The following STK3 variants were observed in gnomAD, a reference collection of about 807,000 sequenced individuals.
STK3 encodes serine/threonine kinase 3.
STK3 carries 41 observed loss-of-function variants against 58.0 expected under a neutral mutation model. The observed-to-expected ratio is 0.71, with a 90% confidence interval of 0.55 to 0.92. STK3 has a LOEUF of 0.92. STK3 is among the 40% of genes least tolerant of loss of function. STK3 has a pLI of 0.00. For synonymous variants in STK3, 170 were observed against 191.0 expected, an observed-to-expected ratio of 0.89 and a Z score of 0.91; for missense variants, 479 against 602.7, an observed-to-expected ratio of 0.79 and a Z score of 2.15.
At chr8:98,879,385 C>T (rs1238931421), downstream of STK3, 1 of 152,140 alleles carries the variant, frequency 6.6e-6, no homozygotes, top group Non-Finnish European at 1.5e-5. Context: ...TGGCTGACCA[C>T]GGTTGTTACT....
At chr8:98,888,448 G>A (rs984009150) in intron 1 of STK3, among the ~76,000 whole-genome samples, 2 of 152,184 alleles carry the variant, frequency 1.3e-5, no homozygotes, top group African/African-American at 4.8e-5. Flanking sequence ...CTAGAAGGGA[G>A]TAGACAAACC....
At chr8:98,938,834 T>C (rs1840288436) in intron 1 of STK3, among the ~76,000 whole-genome samples, 1 of 151,882 alleles carries the variant, frequency 6.6e-6, no homozygotes, top group African/African-American at 2.4e-5. Flanking sequence ...TAAAATGTGA[T>C]GAAAATAAAA....
intron 6 of STK3, among the ~76,000 whole-genome samples, chr8:98,619,793 A>G (rs1215867109): frequency 1.1e-4 from 16 of 140,696 alleles, no homozygotes; most frequent in African/African-American, 3.8e-4. Context: ...TTAGAATGGC[A>G]ATCATTAAAA....
intron 8 of STK3, among the ~76,000 whole-genome samples, chr8:98,551,785 C>G (rs974138983): frequency 6.6e-6 from 1 of 152,132 alleles, no homozygotes; most frequent in African/African-American, 2.4e-5. Context: ...TTTACTCGCA[C>G]TGCCCTATTC....
intron 8 of STK3, 97 bp downstream of exon 8, chr8:98,579,567 G>A: frequency 7.2e-7 from 1 of 1,379,782 alleles, no homozygotes; most frequent in Non-Finnish European, 9.9e-7. Context: ...TATCTTACTT[G>A]TATAGTAAAA....
At position 98,455,738 on chromosome 8, in the gene STK3, T is replaced by A; in HGVS notation, c.*104A>T. ...CCATTGTCACTTTTTGACCTCTGCC[T>A]AATTGTAGGGCAAAATCTTAGGATT... On this transcript the variant is annotated 3_prime_UTR_variant, in exon 11 of 11. Coordinates refer to ENST00000419617, the MANE Select transcript of STK3 (RefSeq NM_006281.4). 2.1e-6 allele frequency: 3 copies of A among 1,447,192 alleles called. No homozygotes were observed. Among genetic ancestry groups the A allele is most frequent in the Non-Finnish European group, 2.8e-6 (3 of 1,070,216 alleles). 89.6% of individuals were successfully genotyped at this position (1,447,192 alleles called of 1,614,324 possible).
At chr8:98,644,966 G>A (rs1820291199) in intron 6 of STK3, among the ~76,000 whole-genome samples, 1 of 152,110 alleles carries the variant, frequency 6.6e-6, no homozygotes, top group East Asian at 1.9e-4. Flanking sequence ...CACATTACAG[G>A]GGGACCTGTG....
intron 10 of STK3, among the ~76,000 whole-genome samples, chr8:98,518,098 T>C (rs1440593313): frequency 6.6e-6 from 1 of 152,098 alleles, no homozygotes; most frequent in Non-Finnish European, 1.5e-5. Context: ...GAGCTCTTTT[T>C]GTAAGTCATT....
At chr8:98,605,470 C>G (rs1334866406) in intron 6 of STK3, among the ~76,000 whole-genome samples, 1 of 141,512 alleles carries the variant, frequency 7.1e-6, no homozygotes, top group Non-Finnish European at 1.5e-5. Flanking sequence ...GAGTTTCACT[C>G]TTGTCACCCA....
rs952801121 is a variant in STK3, at chr8:98,464,013, G to A, written c.1318-8013C>T. ...ATCCTAAGGTTTGCTGTGTTTACTG[G>A]GAAAACAAACTCTTCCTAGCAACTG... On this transcript the variant is annotated intron_variant, in intron 10 of 10. Coordinates refer to ENST00000419617, the MANE Select transcript of STK3 (RefSeq NM_006281.4). Among the ~76,000 whole-genome samples the A allele has an allele frequency of 4.6e-5, 7 of 152,090 alleles. No individual in the cohort carries two copies. In the South Asian group the frequency reaches 1.5e-3, roughly 32 times the overall value.
At chr8:98,481,585 C>T (rs116661237) in intron 10 of STK3, among the ~76,000 whole-genome samples, 107 of 152,120 alleles carry the variant, frequency 7.0e-4, no homozygotes, top group African/African-American at 2.5e-3. Flanking sequence ...ACATTGGAGA[C>T]TCAGAATGGG....
At chr8:98,910,788 A>G (rs1839099929) in intron 1 of STK3, among the ~76,000 whole-genome samples, 1 of 152,058 alleles carries the variant, frequency 6.6e-6, no homozygotes, top group African/African-American at 2.4e-5. Context: ...TTCAACTTAG[A>G]CTCCAGAGGA....
chr8:98,670,316 C>T (rs1426580360), intron 6 of STK3, among the ~76,000 whole-genome samples: 6 of 151,980 alleles, frequency 3.9e-5, no homozygotes, highest in Non-Finnish European at 7.4e-5. Context: ...GAACCGTGAT[C>T]GCACCACTGC....
rs187798638 is a variant in STK3, at chr8:98,461,905, C to T, written c.1318-5905G>A. On this transcript the variant is annotated intron_variant, in intron 10 of 10. Coordinates refer to ENST00000419617, the MANE Select transcript of STK3 (RefSeq NM_006281.4). ...GTTACATAACGCTTTTGTCTCACTG[C>T]TCTTGGTGACATCTTTTTTGCAACG... 2.6e-5 allele frequency among the ~76,000 whole-genome samples: 4 copies of T among 152,160 alleles called. No individual in the cohort carries two copies. In the East Asian group the frequency reaches 7.7e-4, roughly 29 times the overall value.
At chr8:98,511,430 T>C (rs770318682) in intron 10 of STK3, among the ~76,000 whole-genome samples, 10 of 152,164 alleles carry the variant, frequency 6.6e-5, no homozygotes, top group Middle Eastern at 3.4e-3. Flanking sequence ...GACTATATTT[T>C]AAATATAGTC....
intron 1 of STK3, among the ~76,000 whole-genome samples, chr8:98,794,282 A>C (rs1274069766): frequency 6.6e-6 from 1 of 152,200 alleles, no homozygotes; most frequent in East Asian, 1.9e-4. Context: ...CTAGATTAAC[A>C]AAAGAAAAAA....
intron 7 of STK3, among the ~76,000 whole-genome samples, chr8:98,584,476 A>G (rs577657252): frequency 2.0e-5 from 3 of 151,674 alleles, no homozygotes; most frequent in Non-Finnish European, 4.4e-5. Context: ...TATGTGCCAC[A>G]TTTTCTTAAT....
At chr8:98,530,652 G>T (rs1251267661) in intron 9 of STK3, among the ~76,000 whole-genome samples, 1 of 152,174 alleles carries the variant, frequency 6.6e-6, no homozygotes, top group Non-Finnish European at 1.5e-5. Flanking sequence ...AGTGAAGTTT[G>T]CTGTATCAGT....
intron 8 of STK3, among the ~76,000 whole-genome samples, chr8:98,560,419 C>T (rs1012300153): frequency 6.6e-6 from 1 of 151,344 alleles, no homozygotes; most frequent in East Asian, 1.9e-4. Context: ...TACATACCAG[C>T]AATAAATGAC....
Sources: gnomAD v4.1 joint callset for allele counts (sites outside exome capture counted in the v4.1 genomes callset) on GRCh38, gnomAD v4.1.1 for gene constraint, MANE v1.5 for transcripts, NCBI Gene and HGNC (gene_info 2026-07-23, HGNC 2026-07-21) for gene names.